Variants in PCDH15 observed in about 807,000 individuals in gnomAD.
The protein encoded by PCDH15 is protocadherin related 15.
PCDH15 carries 129 observed loss-of-function variants against 178.5 expected under a neutral mutation model. That is an observed-to-expected ratio of 0.72 (90% CI 0.63 to 0.84). PCDH15 has a LOEUF of 0.84. Among genes scored for constraint, PCDH15 ranks in the 40% least tolerant of loss-of-function variants. PCDH15 has a pLI of 0.00. For synonymous variants in PCDH15, 800 were observed against 732.0 expected (o/e 1.09, Z -1.50); for missense variants, 2,230 against 2,099.9 (o/e 1.06, Z -1.21).
chr10:55,019,085 C>G (rs2131952222), intron 2 of PCDH15, among the ~76,000 whole-genome samples: 1 of 152,182 alleles, frequency 6.6e-6, no homozygotes, highest in East Asian at 1.9e-4. Flanking sequence ...AAGAAATGCT[C>G]TAAATCTTTT....
At chr10:55,596,382 A>T (rs2132137275) in intron 2 of PCDH15, among the ~76,000 whole-genome samples, 1 of 152,228 alleles carries the variant, frequency 6.6e-6, no homozygotes, top group South Asian at 2.1e-4. Flanking sequence ...CAGTCCCTAG[A>T]TCTCACTGTA....
chr10:55,282,882 C>T (rs1279842801), intron 1 of PCDH15, among the ~76,000 whole-genome samples: 1 of 152,162 alleles, frequency 6.6e-6, no homozygotes, highest in African/African-American at 2.4e-5. Flanking sequence ...CCCCATTTTG[C>T]TTCTAATCTC....
At chr10:54,683,321 A>G (rs1203221436) in intron 1 of PCDH15, among the ~76,000 whole-genome samples, 2 of 151,966 alleles carry the variant, frequency 1.3e-5, no homozygotes, top group East Asian at 3.9e-4. Flanking sequence ...CTGGAACTCT[A>G]TCCATTAAAT....
At chr10:55,488,702 A>G (rs1400652468) in intron 2 of PCDH15, among the ~76,000 whole-genome samples, 2 of 151,620 alleles carry the variant, frequency 1.3e-5, no homozygotes, top group African/African-American at 4.8e-5. Flanking sequence ...GAATAATTTT[A>G]CATAAAGAAG....
chr10:54,516,768 C>A (rs1302832287), intron 3 of PCDH15, among the ~76,000 whole-genome samples: 1 of 151,934 alleles, frequency 6.6e-6, no homozygotes, highest in Non-Finnish European at 1.5e-5. Flanking sequence ...TCAGATTCAC[C>A]AAAGTTGAAA....
intron 1 of PCDH15, among the ~76,000 whole-genome samples, chr10:55,242,795 CCACCACTG>C (rs1841586678): frequency 6.6e-6 from 1 of 152,032 alleles, no homozygotes; most frequent in African/African-American, 2.4e-5. Context: ...AGCCGTGATC[CCACCACTG>C]CACTCCAGCC....
chr10:53,944,511 T>C (rs1054120195), intron 23 of PCDH15, among the ~76,000 whole-genome samples: 2 of 152,208 alleles, frequency 1.3e-5, no homozygotes, highest in East Asian at 3.9e-4. Flanking sequence ...CTTCAATTCA[T>C]CCATTTATGA....
At chr10:54,585,076 T>G (rs1207513086) in intron 2 of PCDH15, among the ~76,000 whole-genome samples, 1 of 152,140 alleles carries the variant, frequency 6.6e-6, no homozygotes, top group Non-Finnish European at 1.5e-5. Flanking sequence ...TTTTAGTATA[T>G]AAATTGGCTC....
At chr10:55,015,036 C>G (rs760469029) in intron 2 of PCDH15, among the ~76,000 whole-genome samples, 1 of 151,878 alleles carries the variant, frequency 6.6e-6, no homozygotes, top group Non-Finnish European at 1.5e-5. Context: ...GCCTGAGCAA[C>G]ATGGTGAAAC....
At chr10:54,182,753 A>C (rs1039996771) in intron 13 of PCDH15, among the ~76,000 whole-genome samples, 3 of 152,128 alleles carry the variant, frequency 2.0e-5, no homozygotes, top group African/African-American at 7.2e-5. Flanking sequence ...ATTTATCTCC[A>C]AGTGAAATTT....
At chr10:54,151,072 C>T (rs1257399035) in intron 14 of PCDH15, among the ~76,000 whole-genome samples, 2 of 152,028 alleles carry the variant, frequency 1.3e-5, no homozygotes, top group Non-Finnish European at 2.9e-5. Flanking sequence ...CTGAGAAAAG[C>T]ACCATTACTA....
intron 2 of PCDH15, among the ~76,000 whole-genome samples, chr10:54,642,723 T>C (rs897254096): frequency 1.3e-5 from 2 of 152,212 alleles, no homozygotes. Context: ...TTTACATTGT[T>C]TTTTATACCT....
intron 1 of PCDH15, among the ~76,000 whole-genome samples, chr10:55,229,644 TG>T (rs1841155359): frequency 6.6e-6 from 1 of 152,050 alleles, no homozygotes; most frequent in South Asian, 2.1e-4. Flanking sequence ...ATAAGACTAC[TG>T]GCCCAAATAT....
intron 32 of PCDH15, chr10:53,825,124 T>A: frequency 6.5e-7 from 1 of 1,540,016 alleles, no homozygotes; most frequent in Non-Finnish European, 8.8e-7. Context: ...TAGAGTGATA[T>A]TATTTACTTA....
intron 2 of PCDH15, among the ~76,000 whole-genome samples, chr10:55,120,168 C>A (rs1591917808): frequency 6.6e-6 from 1 of 151,378 alleles, no homozygotes; most frequent in Non-Finnish European, 1.5e-5. Flanking sequence ...GTGAATTAAA[C>A]AAAATTTAAA....
At chr10:54,140,094 T>A (rs1278305418) in intron 14 of PCDH15, among the ~76,000 whole-genome samples, 3 of 152,162 alleles carry the variant, frequency 2.0e-5, no homozygotes, top group African/African-American at 7.2e-5. Flanking sequence ...TAAAACTTGA[T>A]AAAATAGGAA....
rs1461239882 is a variant in PCDH15 at position 54,047,454 on chromosome 10, T to C, written c.2220+19303A>G. Among the ~76,000 whole-genome samples, 10 of 152,080 alleles carry C rather than the reference T, an allele frequency of 6.6e-5. No individual in the cohort carries two copies. The South Asian group carries it at 1.9e-3, about 28-fold the overall frequency. ...ATGGATGGTACATGTGTAGGTTTCA[T>C]AGAAGGGCATATCATGTAATGCTGA... On this transcript the variant is annotated intron_variant, in intron 18 of 37. Transcript: ENST00000644397.
intron 17 of PCDH15, among the ~76,000 whole-genome samples, chr10:54,071,820 T>C (rs1173942149): frequency 6.6e-6 from 1 of 152,082 alleles, no homozygotes; most frequent in Non-Finnish European, 1.5e-5. Flanking sequence ...AAAACATGAG[T>C]GTTTAATTTC....
intron 9 of PCDH15, among the ~76,000 whole-genome samples, chr10:54,219,507 G>T (rs137895702): frequency 6.7e-6 from 1 of 148,626 alleles, no homozygotes; most frequent in South Asian, 2.1e-4. Flanking sequence ...GCAGGAGAAT[G>T]GTGCGAACCT....
Sources: allele counts gnomAD v4.1 joint callset (sites outside exome capture counted in the v4.1 genomes callset), GRCh38; gene constraint gnomAD v4.1.1; transcripts MANE v1.5; gene names NCBI Gene and HGNC (gene_info 2026-07-23, HGNC 2026-07-21).